TMEM232: variants seen among roughly 807,000 people sequenced by gnomAD.
TMEM232 encodes transmembrane protein 232.
A neutral mutation model predicts 78.8 loss-of-function variants in TMEM232; 80 were observed. The ratio of observed to expected loss-of-function variants is 1.01; its 90% CI spans 0.85 to 1.22. The LOEUF (loss-of-function observed/expected upper bound fraction) is 1.22, where lower values mean the gene tolerates loss of function less well. Ranked by LOEUF, TMEM232 falls within the 50% of genes most tolerant of loss-of-function variation. The pLI, the probability that TMEM232 is intolerant of heterozygous loss-of-function variation, is 0.00. For missense variants in TMEM232, 881 were observed against 742.2 expected (o/e 1.19, Z -2.17); for synonymous variants, 297 against 254.3 (o/e 1.17, Z -1.60).
At chr5:110,678,838 G>T (rs374774461) in intron 1 of TMEM232, among the ~76,000 whole-genome samples, 112 of 152,170 alleles carry the variant, frequency 7.4e-4, no homozygotes, top group African/African-American at 2.7e-3. Context: ...GTTCCTCCAT[G>T]TCTTTTTATG....
chr5:110,406,475 A>G (rs1755798927), intron 2 of TMEM232, among the ~76,000 whole-genome samples: 1 of 152,074 alleles, frequency 6.6e-6, no homozygotes, highest in South Asian at 2.1e-4. Context: ...TTACTGATTC[A>G]TATGGTAGTG....
At chr5:110,514,077 A>G (rs969881085) in intron 12 of TMEM232, among the ~76,000 whole-genome samples, 1 of 152,176 alleles carries the variant, frequency 6.6e-6, no homozygotes, top group African/African-American at 2.4e-5. Flanking sequence ...ATAGAAGCCC[A>G]TCTCTGAAGA....
intron 11 of TMEM232, among the ~76,000 whole-genome samples, chr5:110,541,647 G>A (rs1773128630): frequency 6.6e-6 from 1 of 152,108 alleles, no homozygotes; most frequent in African/African-American, 2.4e-5. Context: ...TAAAGTGAGT[G>A]TTAGCTAAGC....
chr5:110,665,119 T>G (rs568283603), intron 2 of TMEM232, among the ~76,000 whole-genome samples: 23 of 152,310 alleles, frequency 1.5e-4, no homozygotes, highest in African/African-American at 5.3e-4. Context: ...TTCTATTGTA[T>G]GTATACCATT....
At chr5:110,696,002 A>G (rs1320879002) in intron 1 of TMEM232, among the ~76,000 whole-genome samples, 1 of 152,210 alleles carries the variant, frequency 6.6e-6, no homozygotes, top group African/African-American at 2.4e-5. Flanking sequence ...CAAAACAAAA[A>G]AAGAGAATTT....
Position 110,395,584 on chromosome 5 carries a change from A to C in TMEM232, n.390+2189T>G, listed in dbSNP as rs183137305. On this transcript the variant is annotated intron_variant and non_coding_transcript_variant, in intron 3 of 8. Transcript: ENST00000507188. ...TCTGCTGGGTCCAAGAAAACTTACAAATTTTCAGATTGTTTGGTGTTTTTG... is the reference window on the plus strand; with the variant it reads ...TCTGCTGGGTCCAAGAAAACTTACACATTTTCAGATTGTTTGGTGTTTTTG... Among the ~76,000 whole-genome samples the C allele has an allele frequency of 3.3e-5, 5 of 152,278 alleles. No homozygotes were observed. In the East Asian group the frequency reaches 5.8e-4, roughly 18 times the overall value.
intron 11 of TMEM232, among the ~76,000 whole-genome samples, chr5:110,529,618 G>C (rs1771134704): frequency 6.6e-6 from 1 of 152,120 alleles, no homozygotes; most frequent in South Asian, 2.1e-4. Flanking sequence ...AGCTTAAATT[G>C]ACGATGTTTA....
rs941177932 is a variant in TMEM232, at chr5:110,420,784, A to G, written c.1798-28T>C. ...GTTACAGAGAGAAAACGTCATTCAC[A>G]TGATTTTCCATGAAAAAATGCATAT... On this transcript the variant is annotated intron_variant, in intron 13 of 13. Coordinates refer to ENST00000455884, the MANE Select transcript of TMEM232 (RefSeq NM_001039763.4). 2.5e-5 allele frequency: 37 copies of G among 1,484,358 alleles called. No homozygotes were observed. The African/African-American group carries it at 4.8e-4, about 19-fold the overall frequency. 91.9% of individuals were successfully genotyped at this position (1,484,358 alleles called of 1,614,324 possible). A position where few individuals can be genotyped will look rare whatever the true frequency, so the allele number is the denominator to read the frequency against.
rs762088969 is a variant in TMEM232 at position 110,528,820 on chromosome 5, G to T, written c.1471C>A (p.Pro491Thr). Residue 491 changes from proline (P) to threonine (T), a missense_variant, in exon 12 of 14, where the codon CCA becomes ACA. Transcript: ENST00000455884. ...INIAQAELNDPTDPFTRYSTN... is the reference protein window; with the variant it reads ...INIAQAELNDTTDPFTRYSTN... ...CTATATCTAGTGAAAGGATCAGTTG[G>T]GTCATTTAACTCAGCCTGTTGAAAG... 1 of 1,472,274 alleles carries T rather than the reference G, an allele frequency of 6.8e-7. No individual in the cohort carries two copies. Among genetic ancestry groups the T allele is most frequent in the South Asian group, 1.4e-5 (1 of 70,218 alleles). The allele number at this position is 1,472,274 out of a possible 1,614,324, so 91.2% of individuals were successfully genotyped here.
intron 1 of TMEM232, among the ~76,000 whole-genome samples, chr5:110,680,472 T>C (rs943634620): frequency 1.4e-5 from 2 of 142,674 alleles, no homozygotes; most frequent in Admixed American, 1.4e-4. Flanking sequence ...AGCTTTGACA[T>C]AAACATGAAA....
intron 12 of TMEM232, among the ~76,000 whole-genome samples, chr5:110,481,452 G>A (rs1050385636): frequency 2.6e-5 from 4 of 152,082 alleles, no homozygotes; most frequent in African/African-American, 7.2e-5. Flanking sequence ...ACTGGGTTAT[G>A]ACAATAGAAA....
At chr5:110,430,114 G>C (rs1757664591) in intron 12 of TMEM232, 1 of 151,072 alleles carries the variant, frequency 6.6e-6, no homozygotes, top group African/African-American at 2.4e-5. Flanking sequence ...GGAGTTAAGA[G>C]GGATGATATC....
chr5:110,704,051 G>A (rs948705810), intron 1 of TMEM232, among the ~76,000 whole-genome samples: 6 of 152,068 alleles, frequency 3.9e-5, no homozygotes, highest in Admixed American at 3.3e-4. Flanking sequence ...CTTATTGAAA[G>A]GGGATACGCT....
rs1231633067 is a variant in TMEM232, at chr5:110,419,562, G to A, written c.*1018C>T. ...TTAAAAGCTTCTTGAAAGGCTGGAT[G>A]ATTTTACAATACTGACATACATTTT... On this transcript the variant is annotated 3_prime_UTR_variant, in exon 14 of 14. Transcript: ENST00000455884. 6.6e-6 allele frequency among the ~76,000 whole-genome samples: 1 copy of A among 152,078 alleles called. No individual in the cohort carries two copies. Among genetic ancestry groups the A allele is most frequent in the Non-Finnish European group, 1.5e-5 (1 of 67,958 alleles).
intron 2 of TMEM232, among the ~76,000 whole-genome samples, chr5:110,403,273 A>G (rs1322007392): frequency 2.0e-5 from 3 of 152,102 alleles, no homozygotes; most frequent in South Asian, 2.1e-4. Flanking sequence ...GCAAAGAAAT[A>G]GATCAAAGTG....
intron 12 of TMEM232, among the ~76,000 whole-genome samples, chr5:110,473,722 TATAG>T (rs1762926992): frequency 6.6e-6 from 1 of 150,816 alleles, no homozygotes; most frequent in East Asian, 1.9e-4. Context: ...ATAGCTGAGA[TATAG>T]AATCAATGTA....
At chr5:110,436,375 G>C (rs1245405143) in intron 12 of TMEM232, among the ~76,000 whole-genome samples, 1 of 151,940 alleles carries the variant, frequency 6.6e-6, no homozygotes, top group Non-Finnish European at 1.5e-5. Context: ...CCACATGGTA[G>C]TTTGCAAATA....
Position 110,661,304 on chromosome 5 carries a change from A to G in TMEM232, c.125+5924T>C, listed in dbSNP as rs79825661. On this transcript the variant is annotated intron_variant, in intron 2 of 13. Transcript: ENST00000455884. The stretch of plus-strand genomic sequence containing the variant: ...TGCTACAAGTAACATGAGAGGACAG[A>G]TATCTCTTTTATTGTTTCTTCTCTT... 1.8e-4 allele frequency among the ~76,000 whole-genome samples: 27 copies of G among 152,192 alleles called. No individual in the cohort carries two copies. The East Asian group carries it at 5.0e-3, about 28-fold the overall frequency.
chr5:110,656,007 G>A (rs1256524596), intron 2 of TMEM232, among the ~76,000 whole-genome samples: 15 of 151,446 alleles, frequency 9.9e-5, no homozygotes, highest in Non-Finnish European at 1.3e-4. Flanking sequence ...GTATACATAT[G>A]AACTAACCTG....
Sources: gnomAD v4.1 joint callset for allele counts (sites outside exome capture counted in the v4.1 genomes callset) on GRCh38, gnomAD v4.1.1 for gene constraint, MANE v1.5 for transcripts, NCBI Gene and HGNC (gene_info 2026-07-23, HGNC 2026-07-21) for gene names.